Variants in YBX1 observed in about 807,000 individuals in gnomAD.
YBX1 encodes Y-box-binding protein 1.
A neutral mutation model predicts 41.4 loss-of-function variants in YBX1; 3 were observed. The observed-to-expected ratio is 0.07, with a 90% CI of 0.03 to 0.19. The LOEUF (loss-of-function observed/expected upper bound fraction) is 0.19, where lower values mean the gene tolerates loss of function less well. Among genes scored for constraint, YBX1 ranks in the 10% least tolerant of loss-of-function variants. The pLI is 1.00. For synonymous variants in YBX1, 133 were observed against 165.8 expected (o/e 0.80, Z 1.52); for missense variants, 274 against 462.8 (o/e 0.59, Z 3.74).
chr1:42,683,520 CTG>C (rs1650114276), intron 2 of YBX1, 54 bp downstream of exon 2: 1 of 1,604,920 alleles, frequency 6.2e-7, no homozygotes, highest in African/African-American at 1.3e-5. Context: ...GCTTCCTGCT[CTG>C]TCGGCTTCTC....
intron 3 of YBX1, among the ~76,000 whole-genome samples, chr1:42,695,001 C>T (rs1650426290): frequency 6.6e-6 from 1 of 152,150 alleles, no homozygotes; most frequent in Admixed American, 6.5e-5. Flanking sequence ...TCCCCTATGA[C>T]TGCAGGTAAT....
At chr1:42,700,620 CCA>C (rs1491219085) in intron 6 of YBX1, among the ~76,000 whole-genome samples, 159 bp from the exon 7 acceptor site, 6 of 132,404 alleles carry the variant, frequency 4.5e-5, no homozygotes, top group Admixed American at 7.4e-5. Flanking sequence ...CCCCCCCCCC[CCA>C]AAAAAAAAAA....
chr1:42,700,616 C>T (rs1056612752), intron 6 of YBX1, among the ~76,000 whole-genome samples, 165 bp from the exon 7 acceptor site: 7 of 130,428 alleles, frequency 5.4e-5, no homozygotes, highest in Non-Finnish European at 6.6e-5. Flanking sequence ...GCATCCCCCC[C>T]CCCCCAAAAA....
chr1:42,693,416 C>T, intron 2 of YBX1, 74 bp from the exon 3 acceptor site: 1 of 1,580,568 alleles, frequency 6.3e-7, no homozygotes, highest in Non-Finnish European at 8.7e-7. Flanking sequence ...CAGAGAGTCT[C>T]TGGGAAAATT....
chr1:42,696,013 A>C lies in YBX1; in HGVS notation c.265-186A>C, dbSNP rs1184997015. ...CAATGCTGGGGCCTTGTATGATTGG[A>C]GTGTTTTTGTTGAAGTTGGGGATAG... On this transcript the variant is annotated intron_variant, in intron 3 of 7. Coordinates refer to ENST00000321358, the MANE Select transcript of YBX1 (RefSeq NM_004559.5). This position sits in a 1 kb window ranked among gnomAD's most constrained non-coding sequence, Gnocchi z 5.7. 1.3e-5 allele frequency among the ~76,000 whole-genome samples: 2 copies of C among 152,088 alleles called. No individual in the cohort carries two copies. The highest frequency in any genetic ancestry group is 3.2e-3 in the Middle Eastern group (1 of 316).
intron 2 of YBX1, among the ~76,000 whole-genome samples, chr1:42,687,750 G>A (rs373096313): frequency 2.0e-5 from 3 of 152,248 alleles, no homozygotes; most frequent in Admixed American, 6.5e-5. Flanking sequence ...GTTCTTAATA[G>A]AAGTGTAAAC....
At chr1:42,697,034 A>AG in intron 5 of YBX1, 90 bp downstream of exon 5, 1 of 1,455,932 alleles carries the variant, frequency 6.9e-7, no homozygotes, top group South Asian at 1.4e-5. Context: ...TTGGATTCCT[A>AG]GTAAGAACCA....
intron 3 of YBX1, among the ~76,000 whole-genome samples, chr1:42,694,118 T>C (rs1043126191): frequency 1.3e-5 from 2 of 151,592 alleles, no homozygotes; most frequent in South Asian, 4.2e-4. Context: ...TGGGGGGAAG[T>C]GTGACAAGGT....
intron 1 of YBX1, chr1:42,683,086 G>A (rs1650089364): frequency 3.8e-6 from 2 of 528,834 alleles, no homozygotes; most frequent in Admixed American, 2.5e-5. Context: ...TTCCGCGTGT[G>A]CTCGGAGGGC....
At chr1:42,701,211 A>C (rs1357097690) in intron 7 of YBX1, among the ~76,000 whole-genome samples, 165 bp downstream of exon 7, 1 of 152,184 alleles carries the variant, frequency 6.6e-6, no homozygotes, top group Non-Finnish European at 1.5e-5. Context: ...TCATTTTAGG[A>C]ATATTGAATA....
Position 42,693,539 on chromosome 1 carries a change from G to C in YBX1, c.264+16G>C. 1 of 1,612,684 alleles carries C rather than the reference G, an allele frequency of 6.2e-7. No individual in the cohort carries two copies. Among genetic ancestry groups the C allele is most frequent in the Non-Finnish European group, 8.5e-7 (1 of 1,178,948 alleles). ...TGTACACCAGGTGAGTGCTTGTGTA[G>C]ATATTTGCACTTCTGATTCAAGGAT... is the stretch of plus-strand genomic sequence containing the variant. On this transcript the variant is annotated intron_variant, in intron 3 of 7. Transcript: ENST00000321358.
chr1:42,696,350 CATTAGGATGGTGGCTCTA>C lies in YBX1; in HGVS notation c.354+65_354+82del. The C allele has an allele frequency of 6.5e-7, 1 of 1,540,648 alleles. No individual in the cohort carries two copies. Among genetic ancestry groups the C allele is most frequent in the East Asian group, 2.2e-5 (1 of 44,446 alleles). On this transcript the variant is annotated intron_variant, in intron 4 of 7. Transcript: ENST00000321358. This position sits in a 1 kb window ranked among gnomAD's most constrained non-coding sequence, Gnocchi z 5.7. ...ATGGAAATATTTTGGAGGTCTCATC[CATTAGGATGGTGGCTCTA>C]ATGTGGATGGATGTGTTCAGGTGAC...
At chr1:42,687,880 G>A (rs1355639134) in intron 2 of YBX1, among the ~76,000 whole-genome samples, 1 of 152,178 alleles carries the variant, frequency 6.6e-6, no homozygotes, top group Non-Finnish European at 1.5e-5. Flanking sequence ...TAACATAACT[G>A]ACAAAATGTT....
rs1210972326 is a variant in YBX1, at chr1:42,696,508, T to TGC, written c.355-131_355-130dup. 3.5e-5 allele frequency: 31 copies of TGC among 875,082 alleles called. No homozygotes were observed. Among genetic ancestry groups the TGC allele is most frequent in the Non-Finnish European group, 4.8e-5 (29 of 601,288 alleles). The allele number at this position is 875,082 out of a possible 1,614,324, so 54.2% of individuals were successfully genotyped here. Reference sequence around the variant, plus strand: ...TTCTGTGCACCCCTGGTCACGCAGTTGCGCCCCCCCCCCCTTTTTTTTCCT... The same window carrying TGC: ...TTCTGTGCACCCCTGGTCACGCAGTTGCGCGCCCCCCCCCCCTTTTTTTTCCT... On this transcript the variant is annotated intron_variant, in intron 4 of 7. Coordinates refer to ENST00000321358, the MANE Select transcript of YBX1 (RefSeq NM_004559.5). The surrounding 1 kb of genome is among the most constrained non-coding windows in gnomAD (Gnocchi z 5.7).
chr1:42,686,359 G>C (rs1485151186), intron 2 of YBX1, among the ~76,000 whole-genome samples: 4 of 152,158 alleles, frequency 2.6e-5, no homozygotes, highest in Admixed American at 2.6e-4. Context: ...TATAATTCAG[G>C]AGATAACACC....
chr1:42,690,056 C>G (rs1324704583), intron 2 of YBX1, among the ~76,000 whole-genome samples: 1 of 151,948 alleles, frequency 6.6e-6, no homozygotes, highest in Non-Finnish European at 1.5e-5. Flanking sequence ...ATAGTTGAGT[C>G]AAGACTAAAA....
chr1:42,699,136 A>T (rs1370323703), intron 6 of YBX1, among the ~76,000 whole-genome samples: 1 of 152,164 alleles, frequency 6.6e-6, no homozygotes, highest in African/African-American at 2.4e-5. Context: ...TGACTGCTGG[A>T]ACTGTTTTCT....
chr1:42,683,152 G>A (rs1342627689), intron 1 of YBX1: 12 of 643,254 alleles, frequency 1.9e-5, no homozygotes, highest in Middle Eastern at 2.5e-4. Flanking sequence ...CGTGCTCTCC[G>A]TCCGCGGCCT....
At position 42,696,510 on chromosome 1, in the gene YBX1, CG is replaced by C. The variant is rs904739782; in HGVS notation, c.355-131del. 2.7e-6 allele frequency: 2 copies of C among 741,352 alleles called. No homozygotes were observed. Among genetic ancestry groups the C allele is most frequent in the African/African-American group, 2.2e-5 (1 of 45,338 alleles). 45.9% of individuals were successfully genotyped at this position (741,352 alleles called of 1,614,324 possible). A position where few individuals can be genotyped will look rare whatever the true frequency, so the allele number is the denominator to read the frequency against. ...CTGTGCACCCCTGGTCACGCAGTTG[CG>C]CCCCCCCCCCCTTTTTTTTCCTTAA... On this transcript the variant is annotated intron_variant, in intron 4 of 7. Transcript: ENST00000321358. The surrounding 1 kb of genome is among the most constrained non-coding windows in gnomAD (Gnocchi z 5.7).
Sources: gnomAD v4.1 joint callset for allele counts (sites outside exome capture counted in the v4.1 genomes callset) on GRCh38, gnomAD v4.1.1 for gene constraint, Gnocchi (gnomAD v3.1) non-coding constraint, MANE v1.5 for transcripts, NCBI Gene and HGNC (gene_info 2026-07-23, HGNC 2026-07-21) for gene names.